SDK1: variants seen among roughly 807,000 people sequenced by gnomAD.
The protein encoded by SDK1 is protein sidekick-1.
In SDK1, 157 loss-of-function variants were observed where a neutral mutation model predicts 245.5. That is an observed-to-expected ratio of 0.64 (90% CI 0.56 to 0.73). The LOEUF is 0.73. Among genes scored for constraint, SDK1 ranks in the 30% least tolerant of loss-of-function variants. SDK1 has a pLI of 0.00. For synonymous variants in SDK1, 1,647 were observed against 1,278.5 expected (o/e 1.29, Z -6.15); for missense variants, 3,583 against 3,002.3 (o/e 1.19, Z -4.52).
At chr7:3,456,621 A>C (rs1046949075) in intron 1 of SDK1, among the ~76,000 whole-genome samples, 1 of 152,178 alleles carries the variant, frequency 6.6e-6, no homozygotes, top group African/African-American at 2.4e-5. Context: ...GAGAGAATAC[A>C]TAGTTGCTTG....
chr7:3,589,319 G>A (rs182895057), intron 1 of SDK1, among the ~76,000 whole-genome samples: 1 of 152,156 alleles, frequency 6.6e-6, no homozygotes, highest in African/African-American at 2.4e-5. Context: ...CGTCAGTACT[G>A]ATCTCCCAGT....
intron 4 of SDK1, among the ~76,000 whole-genome samples, chr7:3,774,085 G>A (rs952226651): frequency 6.6e-6 from 1 of 151,982 alleles, no homozygotes; most frequent in African/African-American, 2.4e-5. Flanking sequence ...CATGGTGGCG[G>A]GTGCCTGTAG....
At chr7:3,788,152 T>A (rs1780964687) in intron 4 of SDK1, among the ~76,000 whole-genome samples, 1 of 152,158 alleles carries the variant, frequency 6.6e-6, no homozygotes, top group South Asian at 2.1e-4. Context: ...CTGCACTCAC[T>A]GGCTCTGGGA....
intron 44 of SDK1, among the ~76,000 whole-genome samples, chr7:4,247,716 G>T (rs1334897121): frequency 6.6e-6 from 1 of 152,230 alleles, no homozygotes; most frequent in Non-Finnish European, 1.5e-5. Context: ...AGCACTCACT[G>T]TGGGCCTGGC....
At chr7:4,213,150 A>G (rs909338156) in intron 38 of SDK1, among the ~76,000 whole-genome samples, 3 of 152,216 alleles carry the variant, frequency 2.0e-5, no homozygotes. Flanking sequence ...GCAGTGGCTC[A>G]CACCTGTAAT....
At chr7:3,680,807 G>A (rs1000426194) in intron 4 of SDK1, among the ~76,000 whole-genome samples, 4 of 152,182 alleles carry the variant, frequency 2.6e-5, no homozygotes, top group East Asian at 1.9e-4. Flanking sequence ...TGACTTATGC[G>A]TTAGCCACTT....
intron 41 of SDK1, among the ~76,000 whole-genome samples, chr7:4,235,255 C>T (rs542816178): frequency 2.9e-4 from 44 of 152,304 alleles, no homozygotes; most frequent in African/African-American, 9.9e-4. Context: ...ACCTCCGTCT[C>T]CCGGGTTCAA....
At chr7:3,333,520 G>A (rs562378233) in intron 1 of SDK1, among the ~76,000 whole-genome samples, 1 of 152,226 alleles carries the variant, frequency 6.6e-6, no homozygotes, top group African/African-American at 2.4e-5. Flanking sequence ...GTTGGCAGTG[G>A]CTTTATTTCC....
At chr7:4,061,864 C>T (rs892645200) in intron 19 of SDK1, among the ~76,000 whole-genome samples, 2 of 151,306 alleles carry the variant, frequency 1.3e-5, no homozygotes, top group African/African-American at 4.9e-5. Context: ...TCATCATTCT[C>T]AGTAAACTAT....
At chr7:3,328,262 G>C (rs926401889) in intron 1 of SDK1, among the ~76,000 whole-genome samples, 9 of 152,036 alleles carry the variant, frequency 5.9e-5, no homozygotes, top group Middle Eastern at 3.2e-3. Context: ...ATATTGTGGT[G>C]TTATTTTGAA....
rs571221496 is a variant in SDK1, at chr7:3,777,648, C to A, written c.714-43802C>A. On this transcript the variant is annotated intron_variant, in intron 4 of 44. Coordinates refer to ENST00000404826, the MANE Select transcript of SDK1 (RefSeq NM_152744.4). ...CTGGTGTGATATGTAGCTGTGAGTC[C>A]AGGGTGGGTATTCACATATTTTCGA... Among the ~76,000 whole-genome samples, 5 of 152,234 alleles carry A rather than the reference C, an allele frequency of 3.3e-5. No homozygotes were observed. In the South Asian group the frequency reaches 1.0e-3, roughly 32 times the overall value.
intron 5 of SDK1, among the ~76,000 whole-genome samples, chr7:3,922,017 C>G (rs1230392151): frequency 6.6e-6 from 1 of 152,174 alleles, no homozygotes; most frequent in Non-Finnish European, 1.5e-5. Context: ...CCCTGTTACT[C>G]AGGAGCCGCA....
At chr7:3,913,876 T>C (rs1488447141) in intron 5 of SDK1, among the ~76,000 whole-genome samples, 1 of 152,168 alleles carries the variant, frequency 6.6e-6, no homozygotes, top group Non-Finnish European at 1.5e-5. Context: ...CCAGAGTAAA[T>C]AAAAATGACT....
intron 4 of SDK1, among the ~76,000 whole-genome samples, chr7:3,754,973 A>C (rs369210783): frequency 1.3e-4 from 20 of 152,276 alleles, no homozygotes; most frequent in East Asian, 7.7e-4. Flanking sequence ...TGTTTTATCT[A>C]ATTTCTGGAA....
intron 1 of SDK1, among the ~76,000 whole-genome samples, chr7:3,447,273 G>T (rs190016807): frequency 5.3e-5 from 8 of 152,140 alleles, no homozygotes; most frequent in African/African-American, 1.9e-4. Context: ...CAATTGGAAT[G>T]ATTAACATAT....
In SDK1 at chr7:3,998,749, C is replaced by A. The variant is rs75379184; in HGVS notation, c.2131+11427C>A. Among the ~76,000 whole-genome samples the A allele has an allele frequency of 2.6e-3, 401 of 152,298 alleles. 1 individual carries two copies. Among genetic ancestry groups the A allele is most frequent in the African/African-American group, 9.2e-3 (381 of 41,554 alleles). ...TATCTTCATGTTTTCTAACAATGTGCGGGAGGAACAACACCTCCGTATCTT... is the reference window on the plus strand; with the variant it reads ...TATCTTCATGTTTTCTAACAATGTGAGGGAGGAACAACACCTCCGTATCTT... On this transcript the variant is annotated intron_variant, in intron 14 of 44. Transcript: ENST00000404826.
At position 3,345,579 on chromosome 7, in the gene SDK1, A is replaced by AAAAAGATTTG. The variant is rs568671968; in HGVS notation, c.298+43696_298+43697insAAAGATTTGA. On this transcript the variant is annotated intron_variant, in intron 1 of 44. Transcript: ENST00000404826. ...ACATGAGTTATCTTTTTTTCCAGGA[A>AAAAAGATTTG]ATTATTTCTGATTTGAAGATGGGAG... Among the ~76,000 whole-genome samples the AAAAAGATTTG allele has an allele frequency of 4.4e-3, 666 of 152,220 alleles. 7 individuals are homozygous for AAAAAGATTTG. The highest frequency in any genetic ancestry group is 0.015 in the African/African-American group (611 of 41,546).
At chr7:3,937,616 C>T (rs981154960) in intron 5 of SDK1, among the ~76,000 whole-genome samples, 2 of 152,218 alleles carry the variant, frequency 1.3e-5, no homozygotes, top group Non-Finnish European at 2.9e-5. Context: ...TGCCTAGCAG[C>T]CTCTCAATGT....
chr7:3,947,365 T>C (rs1780619344), intron 5 of SDK1, among the ~76,000 whole-genome samples: 1 of 152,204 alleles, frequency 6.6e-6, no homozygotes, highest in Non-Finnish European at 1.5e-5. Context: ...CATTTTAGAC[T>C]ATGGATTAAT....
Sources: gnomAD v4.1 joint callset for allele counts (sites outside exome capture counted in the v4.1 genomes callset) on GRCh38, gnomAD v4.1.1 for gene constraint, MANE v1.5 for transcripts, NCBI Gene and HGNC (gene_info 2026-07-23, HGNC 2026-07-21) for gene names.